RAPGEF2: variants seen among roughly 807,000 people sequenced by gnomAD.
The protein encoded by RAPGEF2 is PDZ domain containing guanine nucleotide exchange factor (GEF) 1.
RAPGEF2 carries 54 observed loss-of-function variants against 186.7 expected under a neutral mutation model. The observed-to-expected ratio is 0.29, with a 90% CI of 0.23 to 0.36. The LOEUF (loss-of-function observed/expected upper bound fraction) is 0.36. RAPGEF2 is among the 10% of genes least tolerant of loss of function. RAPGEF2 has a pLI of 1.00. For missense variants in RAPGEF2, 1,532 were observed against 2,045.0 expected, an observed-to-expected ratio of 0.75 and a Z score of 4.84; for synonymous variants, 712 against 705.9, an observed-to-expected ratio of 1.01 and a Z score of -0.14.
Position 159,193,193 on chromosome 4 carries a change from T to C in RAPGEF2, c.141-7T>C, listed in dbSNP as rs1748294169. 3 of 1,481,734 alleles carry C rather than the reference T, an allele frequency of 2.0e-6. No individual in the cohort carries two copies. In the East Asian group the frequency reaches 7.8e-5, roughly 38 times the overall value. 91.8% of individuals were successfully genotyped at this position (1,481,734 alleles called of 1,614,324 possible). On this transcript the variant is annotated splice_region_variant and splice_polypyrimidine_tract_variant and intron_variant, in intron 2 of 29. Coordinates refer to ENST00000691494, the MANE Select transcript of RAPGEF2 (RefSeq NM_001394067.2). ...ATGTTGAACTCATGTTTTTATCTCT[T>C]TTACAGGTTAATGTGTGAAACTGTG...
chr4:159,340,788 C>T (rs1204028194), intron 19 of RAPGEF2, among the ~76,000 whole-genome samples: 1 of 137,844 alleles, frequency 7.3e-6, no homozygotes. Context: ...ACCACACACA[C>T]ACACACACAC....
chr4:159,280,985 T>A (rs994381239), intron 7 of RAPGEF2, among the ~76,000 whole-genome samples: 171 of 144,304 alleles, frequency 1.2e-3, no homozygotes, highest in African/African-American at 4.5e-3. Flanking sequence ...TTTAACTACT[T>A]CTTTTTTTTT....
At chr4:159,179,029 C>A (rs1171910798) in intron 1 of RAPGEF2, among the ~76,000 whole-genome samples, 2 of 152,136 alleles carry the variant, frequency 1.3e-5, no homozygotes, top group Non-Finnish European at 2.9e-5. Context: ...GTCCAATGTG[C>A]TACCATGGTT....
At chr4:159,227,128 A>T (rs937227805) in intron 4 of RAPGEF2, among the ~76,000 whole-genome samples, 1 of 152,194 alleles carries the variant, frequency 6.6e-6, no homozygotes, top group Non-Finnish European at 1.5e-5. Flanking sequence ...CTAGGTTTTG[A>T]TGCCATTAAC....
intron 7 of RAPGEF2, among the ~76,000 whole-genome samples, chr4:159,264,744 A>G (rs533363031): frequency 2.6e-5 from 4 of 151,912 alleles, no homozygotes; most frequent in Non-Finnish European, 1.5e-5. Flanking sequence ...TCAAACAATA[A>G]CTCCCCAATC....
At chr4:159,164,004 G>A (rs1030545058) in intron 1 of RAPGEF2, among the ~76,000 whole-genome samples, 1 of 151,972 alleles carries the variant, frequency 6.6e-6, no homozygotes, top group African/African-American at 2.4e-5. Flanking sequence ...CAGTAGTACT[G>A]GTAGTTTTTT....
At chr4:159,238,725 C>T (rs1235998249) in intron 4 of RAPGEF2, 84 bp from the exon 5 acceptor site, 2 of 874,628 alleles carry the variant, frequency 2.3e-6, no homozygotes, top group South Asian at 2.2e-5. Context: ...TTTTATTTAT[C>T]AGGAAGTTTG....
intron 1 of RAPGEF2, among the ~76,000 whole-genome samples, chr4:159,130,098 G>GT (rs1023877781): frequency 4.6e-5 from 7 of 152,186 alleles, no homozygotes; most frequent in African/African-American, 1.7e-4. Flanking sequence ...CATGGCGCTA[G>GT]TGGGAGTGTC....
chr4:159,249,219 TATC>T (rs1444201956), intron 7 of RAPGEF2, among the ~76,000 whole-genome samples: 2 of 149,812 alleles, frequency 1.3e-5, no homozygotes, highest in African/African-American at 2.6e-5. Flanking sequence ...TTTCATTTCT[TATC>T]ATGTGATTTT....
chr4:159,357,008 A>C (rs1397695637), intron 29 of RAPGEF2, among the ~76,000 whole-genome samples: 1 of 152,170 alleles, frequency 6.6e-6, no homozygotes, highest in African/African-American at 2.4e-5. Flanking sequence ...CTGTGGAAAC[A>C]TTATATTTGC....
intron 1 of RAPGEF2, among the ~76,000 whole-genome samples, chr4:159,138,869 A>T (rs1295398151): frequency 6.6e-6 from 1 of 152,240 alleles, no homozygotes; most frequent in Non-Finnish European, 1.5e-5. Flanking sequence ...ATTATAGTTT[A>T]TAGGCACTGA....
chr4:159,230,205 G>A (rs1752483306), intron 4 of RAPGEF2, among the ~76,000 whole-genome samples: 1 of 152,010 alleles, frequency 6.6e-6, no homozygotes, highest in South Asian at 2.1e-4. Flanking sequence ...CTACTTTATG[G>A]CCTCTAACTA....
At chr4:159,274,065 T>G (rs1561189827) in intron 7 of RAPGEF2, among the ~76,000 whole-genome samples, 1 of 152,140 alleles carries the variant, frequency 6.6e-6, no homozygotes, top group Non-Finnish European at 1.5e-5. Context: ...GTGCTAGGAT[T>G]ACAGGCTGAG....
At chr4:159,258,950 A>G (rs1756496447) in intron 7 of RAPGEF2, among the ~76,000 whole-genome samples, 1 of 152,196 alleles carries the variant, frequency 6.6e-6, no homozygotes, top group African/African-American at 2.4e-5. Context: ...ACTTTTTAGA[A>G]TATTTTAGAG....
intron 7 of RAPGEF2, among the ~76,000 whole-genome samples, chr4:159,295,345 ATGAAT>A (rs1442621797): frequency 6.6e-6 from 1 of 152,134 alleles, no homozygotes; most frequent in Admixed American, 6.5e-5. Context: ...ATGGTTGAAA[ATGAAT>A]TGAAAAGGAA....
intron 25 of RAPGEF2, among the ~76,000 whole-genome samples, chr4:159,349,657 C>T (rs1730891425): frequency 6.6e-6 from 1 of 152,214 alleles, no homozygotes; most frequent in African/African-American, 2.4e-5. Context: ...CTCCTCTTAG[C>T]TCTTGACTCT....
chr4:159,208,179 A>G (rs1444652815), intron 3 of RAPGEF2, among the ~76,000 whole-genome samples: 1 of 152,236 alleles, frequency 6.6e-6, no homozygotes, highest in Admixed American at 6.5e-5. Context: ...CTTTGGAAGT[A>G]GATAGCACAG....
chr4:159,347,228 G>T (rs1482626066), intron 25 of RAPGEF2, among the ~76,000 whole-genome samples: 2 of 152,102 alleles, frequency 1.3e-5, no homozygotes, highest in South Asian at 4.1e-4. Context: ...GCTACGACAG[G>T]GTGTTAATAG....
At chr4:159,272,528 A>T (rs965870218) in intron 7 of RAPGEF2, among the ~76,000 whole-genome samples, 1 of 152,190 alleles carries the variant, frequency 6.6e-6, no homozygotes, top group Non-Finnish European at 1.5e-5. Flanking sequence ...GCTTAATTTT[A>T]TTAATTCTTC....
Sources: gnomAD v4.1 joint callset for allele counts (sites outside exome capture counted in the v4.1 genomes callset) on GRCh38, gnomAD v4.1.1 for gene constraint, MANE v1.5 for transcripts, NCBI Gene and HGNC (gene_info 2026-07-23, HGNC 2026-07-21) for gene names.